Variants in CSMD2 observed in about 807,000 individuals in gnomAD.
The protein encoded by CSMD2 is CUB and Sushi multiple domains 2.
A neutral mutation model predicts 398.5 loss-of-function variants in CSMD2; 130 were observed. The observed-to-expected ratio is 0.33, with a 90% CI of 0.28 to 0.38. The LOEUF is 0.38. CSMD2 is among the 10% of genes least tolerant of loss of function. CSMD2 has a pLI of 1.00. For synonymous variants in CSMD2, 1,828 were observed against 1,908.5 expected, an observed-to-expected ratio of 0.96 and a Z score of 1.10; for missense variants, 3,829 against 4,764.9, an observed-to-expected ratio of 0.80 and a Z score of 5.78.
chr1:33,514,062 A>G lies in CSMD2; in HGVS notation c.*2562T>C, dbSNP rs2148500858. On this transcript the variant is annotated 3_prime_UTR_variant, in exon 71 of 71. Coordinates refer to ENST00000373381, the MANE Select transcript of CSMD2 (RefSeq NM_001281956.2). ...TTCAAAAAATTTAAAATTGCTTTCA[A>G]ATTCAGGAAAGTACCATAATGCAGG... is the stretch of plus-strand genomic sequence containing the variant. The G allele has an allele frequency of 6.5e-6, 1 of 152,744 alleles. No individual in the cohort carries two copies. The allele number at this position is 152,744 out of a possible 1,614,324, so 9.5% of individuals were successfully genotyped here.
chr1:34,008,647 T>C (rs1647139357), intron 3 of CSMD2, among the ~76,000 whole-genome samples: 1 of 152,212 alleles, frequency 6.6e-6, no homozygotes, highest in Non-Finnish European at 1.5e-5. Context: ...AACACACAGA[T>C]GGGCAGCTTC....
At chr1:33,674,652 T>G (rs1644636219) in intron 25 of CSMD2, among the ~76,000 whole-genome samples, 2 of 152,190 alleles carry the variant, frequency 1.3e-5, no homozygotes, top group Non-Finnish European at 2.9e-5. Context: ...CAACAGAATA[T>G]ACATTCTTTT....
intron 13 of CSMD2, among the ~76,000 whole-genome samples, chr1:33,766,959 A>G (rs1205208370): frequency 1.3e-5 from 2 of 152,248 alleles, no homozygotes; most frequent in Non-Finnish European, 2.9e-5. Flanking sequence ...ATGCATCAAG[A>G]GTCATAAAAA....
intron 3 of CSMD2, among the ~76,000 whole-genome samples, chr1:33,939,598 C>T (rs965712631): frequency 1.3e-5 from 2 of 152,262 alleles, no homozygotes; most frequent in East Asian, 1.9e-4. Context: ...TTTCTTCCTT[C>T]GAAATTAATG....
intron 42 of CSMD2, among the ~76,000 whole-genome samples, chr1:33,604,257 G>A (rs917081167): frequency 2.0e-5 from 3 of 152,244 alleles, no homozygotes; most frequent in Admixed American, 6.5e-5. Context: ...GCCAACAATT[G>A]CGGAATGACC....
chr1:33,914,035 G>A (rs926029969), intron 5 of CSMD2, among the ~76,000 whole-genome samples: 2 of 152,066 alleles, frequency 1.3e-5, no homozygotes, highest in African/African-American at 4.8e-5. Context: ...TTGTTAAAAG[G>A]GTCTTCTGTA....
intron 28 of CSMD2, among the ~76,000 whole-genome samples, chr1:33,649,090 G>C (rs770174145): frequency 6.6e-6 from 1 of 152,120 alleles, no homozygotes; most frequent in Non-Finnish European, 1.5e-5. Context: ...AGTCCCCCCT[G>C]TATGCCTGTG....
In CSMD2 at chr1:33,807,907, G is replaced by A. The variant is rs535105079; in HGVS notation, c.1446+2836C>T. ...AACACATATAAAGCACAAGGAAGTC[G>A]AAAAGTTAACAGTAAGAGAATAGAA... On this transcript the variant is annotated intron_variant, in intron 10 of 70. Transcript: ENST00000373381. Among the ~76,000 whole-genome samples, 12 of 152,134 alleles carry A rather than the reference G, an allele frequency of 7.9e-5. No homozygotes were observed. In the East Asian group the frequency reaches 9.6e-4, roughly 12 times the overall value.
At chr1:33,564,558 C>A (rs1658874999) in intron 53 of CSMD2, among the ~76,000 whole-genome samples, 1 of 152,200 alleles carries the variant, frequency 6.6e-6, no homozygotes, top group Non-Finnish European at 1.5e-5. Flanking sequence ...TGACTGAATA[C>A]AGATGGAACT....
At chr1:33,927,172 G>A (rs1644155868) in intron 4 of CSMD2, among the ~76,000 whole-genome samples, 1 of 152,172 alleles carries the variant, frequency 6.6e-6, no homozygotes, top group Non-Finnish European at 1.5e-5. Flanking sequence ...TGTGGTGAAT[G>A]GTTTCGTGTG....
chr1:33,691,375 T>A (rs1374905660), intron 25 of CSMD2, among the ~76,000 whole-genome samples: 1 of 152,154 alleles, frequency 6.6e-6, no homozygotes, highest in Non-Finnish European at 1.5e-5. Context: ...TGTGCATATT[T>A]AACTTGTTCC....
chr1:33,597,708 C>T (rs1270706971), intron 44 of CSMD2, among the ~76,000 whole-genome samples: 1 of 152,210 alleles, frequency 6.6e-6, no homozygotes, highest in Non-Finnish European at 1.5e-5. Context: ...CCTAGTGAAA[C>T]TAAATATGTG....
intron 3 of CSMD2, among the ~76,000 whole-genome samples, chr1:33,999,309 G>T (rs1477467650): frequency 6.6e-6 from 1 of 152,196 alleles, no homozygotes; most frequent in Non-Finnish European, 1.5e-5. Flanking sequence ...GCTGTGGCAG[G>T]CTGGACAGCT....
chr1:34,099,116 C>A (rs909395414), intron 1 of CSMD2, among the ~76,000 whole-genome samples: 2 of 152,158 alleles, frequency 1.3e-5, no homozygotes, highest in Non-Finnish European at 2.9e-5. Context: ...AATAAAGCCT[C>A]TAACTCCACA....
intron 55 of CSMD2, among the ~76,000 whole-genome samples, chr1:33,551,505 T>C (rs1657441955): frequency 6.6e-6 from 1 of 152,192 alleles, no homozygotes; most frequent in Non-Finnish European, 1.5e-5. Context: ...CCACAGGGCA[T>C]AGCATACAGG....
rs187481894 is a variant in CSMD2, at chr1:33,656,363, C to G, written c.4447+1583G>C. ...ATCTGGATGTGTCTACTTCAGTATC[C>G]CATACTGTTCCCTACACAGCAGAAT... On this transcript the variant is annotated intron_variant, in intron 27 of 70. Transcript: ENST00000373381. 2.6e-5 allele frequency among the ~76,000 whole-genome samples: 4 copies of G among 152,194 alleles called. No individual in the cohort carries two copies. The East Asian group carries it at 7.7e-4, about 29-fold the overall frequency.
intron 10 of CSMD2, among the ~76,000 whole-genome samples, chr1:33,799,161 G>A (rs1362476084): frequency 6.6e-6 from 1 of 152,142 alleles, no homozygotes; most frequent in Non-Finnish European, 1.5e-5. Flanking sequence ...GTGGACCTGT[G>A]GACTTTGGAG....
intron 4 of CSMD2, among the ~76,000 whole-genome samples, chr1:33,920,680 G>A (rs149077586): frequency 7.4e-4 from 112 of 152,212 alleles, no homozygotes; most frequent in African/African-American, 2.6e-3. Flanking sequence ...AATGAGTTGA[G>A]AAGCCAGTGG....
In CSMD2 at chr1:33,624,272, G is replaced by A. The variant is rs766920874; in HGVS notation, c.5625+247C>T. On this transcript the variant is annotated intron_variant, in intron 35 of 70. Coordinates refer to ENST00000373381, the MANE Select transcript of CSMD2 (RefSeq NM_001281956.2). This position sits in a 1 kb window ranked among gnomAD's most constrained non-coding sequence, Gnocchi z 4.7. ...ACCTCTCCTCCTTCCTGGGTTACCC[G>A]ACTCCCACCGCATGTCCCTGAAGCT... Among the ~76,000 whole-genome samples the A allele has an allele frequency of 4.6e-5, 7 of 152,088 alleles. No homozygotes were observed. Among genetic ancestry groups the A allele is most frequent in the Admixed American group, 6.5e-5 (1 of 15,286 alleles).
Sources: allele counts gnomAD v4.1 joint callset (sites outside exome capture counted in the v4.1 genomes callset), GRCh38; gene constraint gnomAD v4.1.1; non-coding constraint Gnocchi (gnomAD v3.1); transcripts MANE v1.5; gene names NCBI Gene and HGNC (gene_info 2026-07-23, HGNC 2026-07-21).